Variants in AGL observed in about 807,000 individuals in gnomAD.
The protein encoded by AGL is amylo-alpha-1,6-glucosidase and 4-alpha-glucanotransferase, also known as glycogen debranching enzyme.
In AGL, 128 loss-of-function variants were observed where a neutral mutation model predicts 199.3. That is an observed-to-expected ratio of 0.64 (90% CI 0.56 to 0.74). The LOEUF is 0.74. Among genes scored for constraint, AGL ranks in the 30% least tolerant of loss-of-function variants. AGL has a pLI of 0.00. For missense variants in AGL, 1,809 were observed against 1,820.8 expected, an observed-to-expected ratio of 0.99 and a Z score of 0.12; for synonymous variants, 584 against 594.7, an observed-to-expected ratio of 0.98 and a Z score of 0.26.
chr1:99,880,392 T>A (rs922993861), intron 13 of AGL, among the ~76,000 whole-genome samples: 1 of 152,224 alleles, frequency 6.6e-6, no homozygotes, highest in African/African-American at 2.4e-5. Context: ...TTGTATAGCT[T>A]ACATCCCAGT....
chr1:99,876,398 TTTATA>T (rs1161342683), intron 10 of AGL, 55 bp from the exon 11 acceptor site: 39 of 1,292,122 alleles, frequency 3.0e-5, no homozygotes, highest in Non-Finnish European at 3.8e-5. Flanking sequence ...ATATTGCAAA[TTTATA>T]TTCTCTCCAA....
intron 2 of AGL, among the ~76,000 whole-genome samples, chr1:99,857,408 G>C (rs1333894558): frequency 6.6e-6 from 1 of 152,030 alleles, no homozygotes; most frequent in Admixed American, 6.5e-5. Context: ...CCCAGACGGG[G>C]TGGCGGCCGG....
At chr1:99,868,385 AT>A (rs888396604) in intron 5 of AGL, among the ~76,000 whole-genome samples, 1 of 151,920 alleles carries the variant, frequency 6.6e-6, no homozygotes, top group Non-Finnish European at 1.5e-5. Flanking sequence ...GCCGTGGCGG[AT>A]GGGTCACCTG....
intron 25 of AGL, among the ~76,000 whole-genome samples, chr1:99,896,688 A>G (rs1333155267): frequency 6.6e-6 from 1 of 152,186 alleles, no homozygotes; most frequent in Non-Finnish European, 1.5e-5. Context: ...TCCATAGTGA[A>G]GGCATTGCTA....
rs1654801196 is a variant in AGL, at chr1:99,912,276, T to C, written c.3837-129T>C. On this transcript the variant is annotated intron_variant, in intron 28 of 33. Transcript: ENST00000361915. ...TTACATGATATAGTACACATTCCTA[T>C]AGAGTAAGGATTTTTTAATAGTTTT... is the stretch of plus-strand genomic sequence containing the variant. 5.4e-6 allele frequency: 4 copies of C among 740,162 alleles called. No individual in the cohort carries two copies. The South Asian group carries it at 7.1e-5, about 13-fold the overall frequency. 45.8% of individuals were successfully genotyped at this position (740,162 alleles called of 1,614,324 possible).
At chr1:99,886,381 A>G (rs2100774219) in intron 20 of AGL, among the ~76,000 whole-genome samples, 1 of 152,212 alleles carries the variant, frequency 6.6e-6, no homozygotes, top group East Asian at 1.9e-4. Context: ...CAGGAAGCTG[A>G]GGTAACAGCA....
intron 7 of AGL, chr1:99,874,441 C>A: frequency 2.6e-6 from 1 of 379,664 alleles, no homozygotes; most frequent in East Asian, 4.9e-5. Context: ...TTGTGTCTTT[C>A]TTTTATGTTA....
chr1:99,855,430 C>G (rs1469291694), intron 2 of AGL, among the ~76,000 whole-genome samples: 1 of 152,086 alleles, frequency 6.6e-6, no homozygotes, highest in Non-Finnish European at 1.5e-5. Flanking sequence ...TCAACAAGTA[C>G]AAGAATAAAT....
In AGL at chr1:99,864,494, G is replaced by GGA; in HGVS notation, c.569_570insGA (p.Tyr192SerfsTer10). 6.2e-7 allele frequency: 1 copy of GGA among 1,613,794 alleles called. No homozygotes were observed. The highest frequency in any genetic ancestry group is 8.5e-7 in the Non-Finnish European group (1 of 1,179,846). On this transcript the variant is annotated frameshift_variant, in exon 5 of 34. Transcript: ENST00000361915. LOFTEE classifies it high-confidence loss of function. ...AATCCTGACTTTTCAAGACCTAATAGAAAGTATACCTGGAATGATGTTGGA... is the reference window on the plus strand; with the variant it reads ...AATCCTGACTTTTCAAGACCTAATAGGAAAAGTATACCTGGAATGATGTTGGA...
At chr1:99,920,441 A>G (rs1459402445) in intron 33 of AGL, among the ~76,000 whole-genome samples, 7 of 152,204 alleles carry the variant, frequency 4.6e-5, no homozygotes, top group Non-Finnish European at 8.8e-5. Flanking sequence ...ATTCTGAGGT[A>G]CTCGGGGCTA....
chr1:99,861,382 G>T, intron 2 of AGL, 121 bp from the exon 3 acceptor site: 1 of 1,544,944 alleles, frequency 6.5e-7, no homozygotes. Flanking sequence ...TTAGGTTTGC[G>T]GAGTTATTTT....
chr1:99,876,353 T>G, intron 10 of AGL, 105 bp from the exon 11 acceptor site: 1 of 903,886 alleles, frequency 1.1e-6, no homozygotes, highest in Non-Finnish European at 1.7e-6. Context: ...TCAAACTTAT[T>G]TTATTCTATT....
chr1:99,914,128 AAG>A (rs1391678340), intron 30 of AGL, among the ~76,000 whole-genome samples: 1 of 152,140 alleles, frequency 6.6e-6, no homozygotes, highest in African/African-American at 2.4e-5. Context: ...CATATTTGAA[AAG>A]AAAAGAAAAG....
chr1:99,874,528 C>T (rs1651331820), intron 7 of AGL, 159 bp from the exon 8 acceptor site: 5 of 713,656 alleles, frequency 7.0e-6, no homozygotes, highest in Admixed American at 2.3e-5. Flanking sequence ...CACGTGCACA[C>T]AGCAGGATGA....
rs759737504 is a variant in AGL at position 99,874,767 on chromosome 1, A to G, written c.1039A>G (p.Thr347Ala). Reference sequence around the variant, plus strand: ...TCCTGAATACAGACGGTTTGGCTGTACTGTAGATATGAACATTGCACTAAC... The same window carrying G: ...TCCTGAATACAGACGGTTTGGCTGTGCTGTAGATATGAACATTGCACTAAC... Reference protein sequence around the residue: ...QDPEYRRFGCTVDMNIALTTF... With the variant: ...QDPEYRRFGCAVDMNIALTTF... The change falls in exon 8 of 34, where the codon ACT (threonine) becomes GCT (alanine). Residue 347 changes from threonine to alanine, a missense_variant. Physicochemically the swap from Thr to Ala is moderately conservative, Grantham distance 58. Transcript: ENST00000361915. 34 of 1,607,016 alleles carry G rather than the reference A, an allele frequency of 2.1e-5. No individual in the cohort carries two copies. Among genetic ancestry groups the G allele is most frequent in the Middle Eastern group, 1.7e-4 (1 of 5,984 alleles).
chr1:99,849,616 G>C (rs1407306073), upstream of AGL, among the ~76,000 whole-genome samples: 1 of 152,192 alleles, frequency 6.6e-6, no homozygotes, highest in Non-Finnish European at 1.5e-5. Context: ...TCTGCATTCA[G>C]GAACATGTGT....
At chr1:99,886,091 A>C (rs1652433019) in intron 20 of AGL, among the ~76,000 whole-genome samples, 1 of 152,206 alleles carries the variant, frequency 6.6e-6, no homozygotes, top group Non-Finnish European at 1.5e-5. Context: ...AATACTGAGT[A>C]TATATTATTA....
chr1:99,913,560 A>G lies in AGL; in HGVS notation c.3983A>G (p.Asn1328Ser), dbSNP rs761074763. Residue 1328 changes from asparagine to serine, a missense_variant, in exon 30 of 34, where the codon AAC becomes AGC. Transcript: ENST00000361915. The stretch of plus-strand genomic sequence containing the variant: ...ATAAAGGTCTCATATGATGAGTGGA[A>G]CAGAAAAATACAAGACAACTTTGAA... ...KAIKVSYDEW[N>S]RKIQDNFEKL... is the part of the protein sequence containing the mutation. The G allele has an allele frequency of 6.2e-7, 1 of 1,613,978 alleles. No individual in the cohort carries two copies. The highest frequency in any genetic ancestry group is 1.7e-5 in the Admixed American group (1 of 59,962).
In AGL at chr1:99,868,383, G is replaced by A. The variant is rs769781057; in HGVS notation, c.665-2017G>A. On this transcript the variant is annotated intron_variant, in intron 5 of 33. Coordinates refer to ENST00000361915, the MANE Select transcript of AGL (RefSeq NM_000642.3). ...TCCCAGCACTTTGGGAGGCCGTGGC[G>A]GATGGGTCACCTGAGGTCAGGAGTT... Among the ~76,000 whole-genome samples, 10 of 152,030 alleles carry A rather than the reference G, an allele frequency of 6.6e-5. 1 individual carries two copies. The highest frequency in any genetic ancestry group is 1.3e-4 in the Admixed American group (2 of 15,262).
Sources: allele counts gnomAD v4.1 joint callset (sites outside exome capture counted in the v4.1 genomes callset), GRCh38; gene constraint gnomAD v4.1.1; transcripts MANE v1.5; gene names NCBI Gene and HGNC (gene_info 2026-07-23, HGNC 2026-07-21).